The following SOCS4 variants were observed in gnomAD, a reference collection of about 807,000 sequenced individuals.
SOCS4 encodes the protein SH2 domain containing SOCS box protein.
In SOCS4, 20 loss-of-function variants were observed where a neutral mutation model predicts 34.1. That is an observed-to-expected ratio of 0.59 (90% CI 0.41 to 0.85). The LOEUF (loss-of-function observed/expected upper bound fraction) is 0.85. Ranked by LOEUF, SOCS4 falls within the 40% of genes least tolerant of loss-of-function variation. SOCS4 has a pLI of 0.00. For synonymous variants in SOCS4, 180 were observed against 186.4 expected, an observed-to-expected ratio of 0.97 and a Z score of 0.28; for missense variants, 479 against 532.4, an observed-to-expected ratio of 0.90 and a Z score of 0.99.
Position 55,043,828 on chromosome 14 carries a change from A to G in SOCS4, c.787A>G (p.Lys263Glu), listed in dbSNP as rs148160299. ...DEILQLETPP[K>E]YHTQIDYVHC... is the part of the protein sequence containing the mutation. The stretch of plus-strand genomic sequence containing the variant: ...AATCCTGCAGTTGGAAACACCTCCT[A>G]AATACCACACGCAGATTGATTATGT... The change falls in exon 3 of 3, where the codon AAA (lysine) becomes GAA (glutamate). Residue 263 changes from lysine to glutamate, a missense_variant. Physicochemically the swap from Lys to Glu is moderately conservative, Grantham distance 56. Transcript: ENST00000555846. 7 of 1,614,062 alleles carry G rather than the reference A, an allele frequency of 4.3e-6. No individual in the cohort carries two copies. The African/African-American group carries it at 9.3e-5, about 22-fold the overall frequency.
intron 2 of SOCS4, among the ~76,000 whole-genome samples, chr14:55,040,803 G>A (rs972877826): frequency 4.6e-5 from 7 of 151,524 alleles, no homozygotes; most frequent in Non-Finnish European, 5.9e-5. Context: ...TTTTTTCCTT[G>A]AATATTTTCA....
At chr14:55,041,853 G>A (rs193230219) in intron 2 of SOCS4, among the ~76,000 whole-genome samples, 1 of 136,540 alleles carries the variant, frequency 7.3e-6, no homozygotes, top group Non-Finnish European at 1.5e-5. Flanking sequence ...GTGCCGTGGC[G>A]CAGTCTTGGT....
Position 55,047,954 on chromosome 14 carries a change from G to C in SOCS4, c.*3590G>C, listed in dbSNP as rs535352935. 1.2e-5 allele frequency: 2 copies of C among 166,998 alleles called. No homozygotes were observed. Among genetic ancestry groups the C allele is most frequent in the Non-Finnish European group, 2.9e-5 (2 of 68,090 alleles). 10.3% of individuals were successfully genotyped at this position (166,998 alleles called of 1,614,324 possible). A position where few individuals can be genotyped will look rare whatever the true frequency, so the allele number is the denominator to read the frequency against. On this transcript the variant is annotated 3_prime_UTR_variant, in exon 3 of 3. Transcript: ENST00000555846. ...TTTTTTTTTGAGACAGAGTCTCGCT[G>C]TTGTCAGCCCAGGCTGGAGTGCAAT...
rs776121374 is a variant in SOCS4, at chr14:55,044,213, A to G, written c.1172A>G (p.His391Arg). ...CGGACTTTCCCTTTTTCCCTGCAGC[A>G]TATATGCAGAACAGTTATTTGTAAC... ...LIRTFPFSLQHICRTVICNCT... is the reference protein window; with the variant it reads ...LIRTFPFSLQRICRTVICNCT... Residue 391 changes from histidine (H) to arginine (R), a missense_variant, in exon 3 of 3, where the codon CAT becomes CGT. Transcript: ENST00000555846. The G allele has an allele frequency of 1.9e-6, 3 of 1,613,988 alleles. No individual in the cohort carries two copies. The highest frequency in any genetic ancestry group is 1.7e-6 in the Non-Finnish European group (2 of 1,179,934).
Position 55,043,850 on chromosome 14 carries a change from A to T in SOCS4, c.809A>T (p.Tyr270Phe), listed in dbSNP as rs2042646152. ...CCTAAATACCACACGCAGATTGATT[A>T]TGTCCACTGTCTTGTACCAGACCTC... ...TPPKYHTQID[Y>F]VHCLVPDLLQ... Residue 270 changes from tyrosine (Y) to phenylalanine (F), a missense_variant, in exon 3 of 3, where the codon TAT (tyrosine) becomes TTT (phenylalanine). Tyr to Phe is a conservative substitution (Grantham distance 22, BLOSUM62 3). Coordinates refer to ENST00000555846, the MANE Select transcript of SOCS4 (RefSeq NM_199421.2). The T allele has an allele frequency of 6.2e-7, 1 of 1,614,098 alleles. No homozygotes were observed. The highest frequency in any genetic ancestry group is 1.7e-5 in the Admixed American group (1 of 60,000).
intron 1 of SOCS4, among the ~76,000 whole-genome samples, chr14:55,030,148 A>G (rs1381689111): frequency 2.0e-5 from 3 of 152,312 alleles, no homozygotes; most frequent in Admixed American, 6.5e-5. Context: ...AGCTGTTGCC[A>G]CAAAACTTAG....
intron 2 of SOCS4, among the ~76,000 whole-genome samples, chr14:55,035,052 G>C (rs536716616): frequency 1.1e-4 from 16 of 152,240 alleles, no homozygotes; most frequent in Non-Finnish European, 1.9e-4. Flanking sequence ...GTAGAGAGGA[G>C]ATTTTGCCAT....
intron 2 of SOCS4, among the ~76,000 whole-genome samples, chr14:55,040,927 T>C (rs1387389829): frequency 3.3e-5 from 5 of 151,028 alleles, no homozygotes; most frequent in Non-Finnish European, 5.9e-5. Context: ...GGTCTCACTC[T>C]GTCACTCAGA....
At chr14:55,027,677 GT>G (rs1312284003) in intron 1 of SOCS4, 1 of 152,202 alleles carries the variant, frequency 6.6e-6, no homozygotes, top group Non-Finnish European at 1.5e-5. Context: ...GGCATCCTTC[GT>G]GCCCTCACCT....
At chr14:55,041,633 C>G (rs546155463) in intron 2 of SOCS4, among the ~76,000 whole-genome samples, 4 of 151,548 alleles carry the variant, frequency 2.6e-5, no homozygotes, top group Non-Finnish European at 4.4e-5. Flanking sequence ...CGTCACTGTG[C>G]CTGGCTAATT....
rs1234737879 is a variant in SOCS4 at position 55,045,366 on chromosome 14, T to C, written c.*1002T>C. On this transcript the variant is annotated 3_prime_UTR_variant, in exon 3 of 3. Coordinates refer to ENST00000555846, the MANE Select transcript of SOCS4 (RefSeq NM_199421.2). ...CACTGGTAACCAAAGAGTACCTAAG[T>C]AGTTTTTCATTATTTTAAGTTGAAT... 3 of 166,950 alleles carry C rather than the reference T, an allele frequency of 1.8e-5. No homozygotes were observed. Among genetic ancestry groups the C allele is most frequent in the African/African-American group, 7.2e-5 (3 of 41,448 alleles). 10.3% of individuals were successfully genotyped at this position (166,950 alleles called of 1,614,324 possible).
rs1184909784 is a variant in SOCS4, at chr14:55,045,242, T to C, written c.*878T>C. 6.0e-6 allele frequency: 1 copy of C among 167,044 alleles called. No homozygotes were observed. Among genetic ancestry groups the C allele is most frequent in the Non-Finnish European group, 1.5e-5 (1 of 68,062 alleles). The allele number at this position is 167,044 out of a possible 1,614,324, so 10.3% of individuals were successfully genotyped here. ...CTAAAGTAATTGTGGGGTTTTTCTGTATTAGCTTATGAACTGTTGCTTCTA... is the reference window on the plus strand; with the variant it reads ...CTAAAGTAATTGTGGGGTTTTTCTGCATTAGCTTATGAACTGTTGCTTCTA... On this transcript the variant is annotated 3_prime_UTR_variant, in exon 3 of 3. Coordinates refer to ENST00000555846, the MANE Select transcript of SOCS4 (RefSeq NM_199421.2).
In SOCS4 at chr14:55,043,908, A is replaced by G. The variant is rs1432079319; in HGVS notation, c.867A>G (p.Gly289=). Reference sequence around the variant, plus strand: ...TCAATAACAACCCATGTTACTGGGGAGTGATGGATAAATACGCAGCCGAAG... The same window carrying G: ...TCAATAACAACCCATGTTACTGGGGGGTGATGGATAAATACGCAGCCGAAG... ...LQINNNPCYW[G]VMDKYAAEAL... is the part of the protein sequence containing the mutation. The change falls in exon 3 of 3, where the codon GGA becomes GGG. Residue 289 remains glycine (G), a synonymous_variant. Coordinates refer to ENST00000555846, the MANE Select transcript of SOCS4 (RefSeq NM_199421.2). 6.2e-7 allele frequency: 1 copy of G among 1,614,056 alleles called. No individual in the cohort carries two copies. The highest frequency in any genetic ancestry group is 1.3e-5 in the African/African-American group (1 of 74,922).
At chr14:55,036,244 CTT>C (rs892978676) in intron 2 of SOCS4, among the ~76,000 whole-genome samples, 85 of 152,240 alleles carry the variant, frequency 5.6e-4, no homozygotes, top group African/African-American at 2.0e-3. Flanking sequence ...AGTATCTCCT[CTT>C]TATCTCTAGG....
rs773381000 is a variant in SOCS4, at chr14:55,044,305, TATC to T, written c.1267_1269del (p.His423del). On this transcript the variant is annotated inframe_deletion, in exon 3 of 3. Coordinates refer to ENST00000555846, the MANE Select transcript of SOCS4 (RefSeq NM_199421.2). ...TTCTATGAAATTATATCTGAAGGAA[TATC>T]ATTATAAATCAAAAGTTAGAGTACT... 48 of 1,613,586 alleles carry T rather than the reference TATC, an allele frequency of 3.0e-5. No individual in the cohort carries two copies. The highest frequency in any genetic ancestry group is 6.7e-5 in the Admixed American group (4 of 59,996).
rs2042635894 is a variant in SOCS4 at position 55,043,196 on chromosome 14, T to C, written c.155T>C (p.Val52Ala). 1 of 1,614,158 alleles carries C rather than the reference T, an allele frequency of 6.2e-7. No homozygotes were observed. Among genetic ancestry groups the C allele is most frequent in the Non-Finnish European group, 8.5e-7 (1 of 1,180,036 alleles). Reference sequence around the variant, plus strand: ...GAGAGTTATTCAGATGCTGAGACAGTGAATGGTATAGAGAAAACCGAAGTG... The same window carrying C: ...GAGAGTTATTCAGATGCTGAGACAGCGAATGGTATAGAGAAAACCGAAGTG... The part of the protein sequence containing the change: ...KSESYSDAET[V>A]NGIEKTEVSL... The change falls in exon 3 of 3, where the codon GTG becomes GCG. Residue 52 changes from valine to alanine, a missense_variant. Val to Ala is a moderately conservative substitution (Grantham distance 64, BLOSUM62 0). Coordinates refer to ENST00000555846, the MANE Select transcript of SOCS4 (RefSeq NM_199421.2).
rs750965199 is a variant in SOCS4 at position 55,047,098 on chromosome 14, A to G, written c.*2734A>G. ...TTCCAGAGTTGAGAAAGCATTTAGC[A>G]TGGTGGAAATGTGGAGAGCTTATTG... On this transcript the variant is annotated 3_prime_UTR_variant, in exon 3 of 3. Coordinates refer to ENST00000555846, the MANE Select transcript of SOCS4 (RefSeq NM_199421.2). The G allele has an allele frequency of 2.4e-5, 4 of 167,088 alleles. No homozygotes were observed. The highest frequency in any genetic ancestry group is 4.4e-5 in the Non-Finnish European group (3 of 68,104). The allele number at this position is 167,088 out of a possible 1,614,324, so 10.4% of individuals were successfully genotyped here. A position where few individuals can be genotyped will look rare whatever the true frequency, so the allele number is the denominator to read the frequency against.
chr14:55,037,628 G>A (rs967933421), intron 2 of SOCS4, among the ~76,000 whole-genome samples: 1 of 151,778 alleles, frequency 6.6e-6, no homozygotes, highest in African/African-American at 2.4e-5. Context: ...CAAGTAGCTG[G>A]GATTACAGGC....
chr14:55,029,876 A>G (rs576881662), intron 1 of SOCS4, among the ~76,000 whole-genome samples: 2 of 152,294 alleles, frequency 1.3e-5, no homozygotes, highest in Admixed American at 6.5e-5. Flanking sequence ...CAATACAGTA[A>G]AAGTCGTCCT....
Sources: allele counts gnomAD v4.1 joint callset (sites outside exome capture counted in the v4.1 genomes callset), GRCh38; gene constraint gnomAD v4.1.1; transcripts MANE v1.5; gene names NCBI Gene and HGNC (gene_info 2026-07-23, HGNC 2026-07-21).